The following STAB2 variants were observed in gnomAD, a reference collection of about 807,000 sequenced individuals.
STAB2 encodes stabilin 2, also known as stabilin-2.
Under a neutral mutation model 338.1 loss-of-function variants are expected in STAB2, and 288 were observed. The observed-to-expected ratio is 0.85, with a 90% CI of 0.77 to 0.94. STAB2 has a LOEUF of 0.94. Ranked by LOEUF, STAB2 falls within the 40% of genes least tolerant of loss-of-function variation. The probability of loss-of-function intolerance (pLI) is 0.00; values close to 1 mark genes in which losing one functional copy is unlikely to be tolerated. For synonymous variants in STAB2, 1,202 were observed against 1,193.3 expected (o/e 1.01, Z -0.15); for missense variants, 3,141 against 3,210.1 (o/e 0.98, Z 0.52).
chr12:103,708,079 A>G (rs990382696), intron 38 of STAB2, among the ~76,000 whole-genome samples: 1 of 152,152 alleles, frequency 6.6e-6, no homozygotes, highest in African/African-American at 2.4e-5. Flanking sequence ...CTTCTTCCTG[A>G]AGTCCATTCT....
At chr12:103,695,707 C>T in intron 32 of STAB2, 30 bp from the exon 33 acceptor site, 2 of 1,614,110 alleles carry the variant, frequency 1.2e-6, no homozygotes, top group African/African-American at 1.3e-5. Flanking sequence ...ACAGGAATCC[C>T]TCATGCACTC....
chr12:103,735,329 T>G (rs1882023921), intron 51 of STAB2, among the ~76,000 whole-genome samples, 162 bp from the exon 52 acceptor site: 1 of 152,258 alleles, frequency 6.6e-6, no homozygotes, highest in South Asian at 2.1e-4. Context: ...GAGCCCCGAT[T>G]ATTCTTCCCA....
chr12:103,588,883 T>C (rs1301130365), intron 1 of STAB2, among the ~76,000 whole-genome samples: 2 of 152,252 alleles, frequency 1.3e-5, no homozygotes, highest in African/African-American at 2.4e-5. Flanking sequence ...AAGAACCTTC[T>C]AGTGCTATTT....
chr12:103,730,356 T>G (rs1195485844), intron 49 of STAB2, 100 bp downstream of exon 49: 26 of 1,338,316 alleles, frequency 1.9e-5, no homozygotes, highest in Non-Finnish European at 2.7e-5. Flanking sequence ...TTTCTTTTTC[T>G]GCTTCAATCT....
At chr12:103,742,708 T>A (rs1031248119) in intron 56 of STAB2, among the ~76,000 whole-genome samples, 154 bp downstream of exon 56, 2 of 152,330 alleles carry the variant, frequency 1.3e-5, no homozygotes, top group Middle Eastern at 3.4e-3. Flanking sequence ...TATTTCCTCC[T>A]TGGATGCATT....
Position 103,637,368 on chromosome 12 carries a change from T to C in STAB2, c.709+132T>C, listed in dbSNP as rs547270097. On this transcript the variant is annotated intron_variant, in intron 7 of 68. Transcript: ENST00000388887. ...TCGCTGTGTAGTTGAGTGAAACGTA[T>C]ATAAAAGGTGCCAAGCAAAATGCTC... is the stretch of plus-strand genomic sequence containing the variant. 395 of 1,238,556 alleles carry C rather than the reference T, an allele frequency of 3.2e-4. 2 individuals carry two copies. In the South Asian group the frequency reaches 4.8e-3, roughly 15 times the overall value. 76.7% of individuals were successfully genotyped at this position (1,238,556 alleles called of 1,614,324 possible).
In STAB2 at chr12:103,749,163, C is replaced by T. The variant is rs571451174; in HGVS notation, c.6438+7C>T. On this transcript the variant is annotated splice_region_variant and intron_variant, in intron 59 of 68. Coordinates refer to ENST00000388887, the MANE Select transcript of STAB2 (RefSeq NM_017564.10). ...CTGTAAGATGACAGGCCCGGTGAGTCGCTCTTTCCCAGGGAAATTTGGGAG... is the reference window on the plus strand; with the variant it reads ...CTGTAAGATGACAGGCCCGGTGAGTTGCTCTTTCCCAGGGAAATTTGGGAG... 5.2e-5 allele frequency: 83 copies of T among 1,587,084 alleles called. 1 individual carries two copies. In the South Asian group the frequency reaches 7.6e-4, roughly 15 times the overall value.
At chr12:103,652,443 C>T in intron 11 of STAB2, 113 bp from the exon 12 acceptor site, 1 of 1,001,752 alleles carries the variant, frequency 1.0e-6, no homozygotes, top group Non-Finnish European at 1.4e-6. Flanking sequence ...AAAGCCCAAA[C>T]CCAAGTTAGG....
intron 23 of STAB2, among the ~76,000 whole-genome samples, chr12:103,674,913 A>G (rs1876189651): frequency 6.6e-6 from 1 of 152,190 alleles, no homozygotes; most frequent in Non-Finnish European, 1.5e-5. Context: ...TTTCCTAAGG[A>G]GTTAGGATCT....
chr12:103,760,702 A>C (rs995636287), intron 65 of STAB2, among the ~76,000 whole-genome samples: 2 of 152,206 alleles, frequency 1.3e-5, no homozygotes, highest in African/African-American at 4.8e-5. Flanking sequence ...AGACATGCAG[A>C]GAGTAGTGCC....
At chr12:103,691,423 T>A (rs1877928653) in intron 30 of STAB2, among the ~76,000 whole-genome samples, 1 of 152,236 alleles carries the variant, frequency 6.6e-6, no homozygotes, top group South Asian at 2.1e-4. Context: ...AAAACAGTGG[T>A]CCTATGGCTT....
In STAB2 at chr12:103,688,230, T is replaced by C. The variant is rs1877608951; in HGVS notation, c.3045+15T>C. ...GATGGATAAATGTGAGTACCTTTATTGGGACTTAGGATTGGGAATGTATAT... is the reference window on the plus strand; with the variant it reads ...GATGGATAAATGTGAGTACCTTTATCGGGACTTAGGATTGGGAATGTATAT... On this transcript the variant is annotated intron_variant, in intron 28 of 68. Transcript: ENST00000388887. 6.2e-7 allele frequency: 1 copy of C among 1,611,756 alleles called. No individual in the cohort carries two copies. Among genetic ancestry groups the C allele is most frequent in the African/African-American group, 1.3e-5 (1 of 75,002 alleles).
In STAB2 at chr12:103,766,457, A is replaced by C; in HGVS notation, c.*121A>C. 40 of 1,150,478 alleles carry C rather than the reference A, an allele frequency of 3.5e-5. No individual in the cohort carries two copies. The highest frequency in any genetic ancestry group is 4.4e-5 in the Non-Finnish European group (36 of 816,178). 71.3% of individuals were successfully genotyped at this position (1,150,478 alleles called of 1,614,324 possible). A position where few individuals can be genotyped will look rare whatever the true frequency, so the allele number is the denominator to read the frequency against. ...TTTAAGCACTCAGAAGCCATACCTC[A>C]TCTCTCTGGCTGATCTGGGGGTTGT... On this transcript the variant is annotated 3_prime_UTR_variant, in exon 69 of 69. Coordinates refer to ENST00000388887, the MANE Select transcript of STAB2 (RefSeq NM_017564.10).
intron 6 of STAB2, among the ~76,000 whole-genome samples, 159 bp from the exon 7 acceptor site, chr12:103,636,952 G>T (rs1158266768): frequency 6.6e-6 from 1 of 152,158 alleles, no homozygotes; most frequent in African/African-American, 2.4e-5. Context: ...AAATTTGGGA[G>T]ACTAAGAAGA....
Position 103,623,884 on chromosome 12 carries a change from G to A in STAB2, c.487+1773G>A, listed in dbSNP as rs185353476. ...TTCACACAAAACCCTCAGGCTAAGAGCTGTGGATCCTGGAAGTTAGCTGGA... is the reference window on the plus strand; with the variant it reads ...TTCACACAAAACCCTCAGGCTAAGAACTGTGGATCCTGGAAGTTAGCTGGA... On this transcript the variant is annotated intron_variant, in intron 5 of 68. Coordinates refer to ENST00000388887, the MANE Select transcript of STAB2 (RefSeq NM_017564.10). 2.6e-5 allele frequency among the ~76,000 whole-genome samples: 4 copies of A among 152,286 alleles called. No homozygotes were observed. In the East Asian group the frequency reaches 7.7e-4, roughly 29 times the overall value.
chr12:103,635,844 C>T (rs1217159281), intron 6 of STAB2, among the ~76,000 whole-genome samples: 7 of 152,188 alleles, frequency 4.6e-5, no homozygotes, highest in African/African-American at 1.4e-4. Flanking sequence ...CATGCATGAC[C>T]TCCCAGCCAC....
chr12:103,656,248 G>A (rs1478191096), intron 15 of STAB2, among the ~76,000 whole-genome samples: 1 of 152,218 alleles, frequency 6.6e-6, no homozygotes. Context: ...TTACATGAAA[G>A]GTCACATGCT....
intron 38 of STAB2, 55 bp from the exon 39 acceptor site, chr12:103,708,386 G>A: frequency 6.4e-7 from 1 of 1,553,172 alleles, no homozygotes; most frequent in Non-Finnish European, 8.9e-7. Flanking sequence ...AATGACAAAT[G>A]AGTTATTGAA....
At chr12:103,750,097 A>G (rs1174496745) in intron 59 of STAB2, among the ~76,000 whole-genome samples, 1 of 151,264 alleles carries the variant, frequency 6.6e-6, no homozygotes, top group Non-Finnish European at 1.5e-5. Context: ...TGGGGATTAA[A>G]GGAGATCATT....
Sources: allele counts gnomAD v4.1 joint callset (sites outside exome capture counted in the v4.1 genomes callset), GRCh38; gene constraint gnomAD v4.1.1; transcripts MANE v1.5; gene names NCBI Gene and HGNC (gene_info 2026-07-23, HGNC 2026-07-21).